SPECC1L: variants seen among roughly 807,000 people sequenced by gnomAD.
SPECC1L encodes cytospin-A.
A neutral mutation model predicts 116.8 loss-of-function variants in SPECC1L; 40 were observed. The observed-to-expected ratio is 0.34, with a 90% confidence interval of 0.27 to 0.45. SPECC1L has a LOEUF of 0.45. Ranked by LOEUF, SPECC1L falls within the 20% of genes least tolerant of loss-of-function variation. The pLI, the probability that SPECC1L is intolerant of heterozygous loss-of-function variation, is 1.00. For missense variants in SPECC1L, 1,110 were observed against 1,373.6 expected (o/e 0.81, Z 3.03); for synonymous variants, 504 against 500.6 (o/e 1.01, Z -0.09).
At chr22:24,284,912 G>T (rs986725373) in intron 2 of SPECC1L, among the ~76,000 whole-genome samples, 1 of 152,166 alleles carries the variant, frequency 6.6e-6, no homozygotes, top group African/African-American at 2.4e-5. Context: ...AGAGGGAGTG[G>T]ATGAGAAGAG....
intron 6 of SPECC1L, 113 bp downstream of exon 6, chr22:24,324,540 C>A: frequency 1.0e-6 from 1 of 999,370 alleles, no homozygotes; most frequent in Non-Finnish European, 1.5e-6. Flanking sequence ...CCTGTAATTC[C>A]AGCACTTTGG....
At chr22:24,350,861 C>T (rs1045716711) in intron 11 of SPECC1L, among the ~76,000 whole-genome samples, 1 of 152,192 alleles carries the variant, frequency 6.6e-6, no homozygotes, top group Non-Finnish European at 1.5e-5. Context: ...TACCCTAAAG[C>T]TGTGAGTCCA....
chr22:24,277,325 CCATGTATT>C (rs1389951641), intron 2 of SPECC1L, among the ~76,000 whole-genome samples: 10 of 152,186 alleles, frequency 6.6e-5, no homozygotes, highest in Non-Finnish European at 1.5e-4. Flanking sequence ...TCCTCATTAT[CCATGTATT>C]CATTTGCAAA....
intron 11 of SPECC1L, among the ~76,000 whole-genome samples, 197 bp downstream of exon 11, chr22:24,347,373 A>G (rs2146564664): frequency 6.6e-6 from 1 of 152,310 alleles, no homozygotes; most frequent in South Asian, 2.1e-4. Context: ...ATCTTTCCTG[A>G]CAGCTGTCAT....
chr22:24,393,193 A>G (rs1241900126), intron 14 of SPECC1L, among the ~76,000 whole-genome samples: 2 of 152,216 alleles, frequency 1.3e-5, no homozygotes, highest in African/African-American at 4.8e-5. Flanking sequence ...ATTTTTGGAA[A>G]ATTTAATCTG....
At chr22:24,281,767 T>C (rs1260962723) in intron 2 of SPECC1L, among the ~76,000 whole-genome samples, 1 of 152,224 alleles carries the variant, frequency 6.6e-6, no homozygotes, top group Non-Finnish European at 1.5e-5. Context: ...TCTGAATGCC[T>C]TTTATTTGTT....
rs141191792 is a variant in SPECC1L, at chr22:24,373,036, G to C, written c.3087+3716G>C. 9.1e-3 allele frequency among the ~76,000 whole-genome samples: 1,389 copies of C among 152,252 alleles called. 12 individuals carry two copies. The highest frequency in any genetic ancestry group is 0.012 in the Non-Finnish European group (797 of 68,024). Reference sequence around the variant, plus strand: ...AACTCCCATTCACAATTGCTTCAAAGAGAATAAAATACCTAGGAATGCAAC... The same window carrying C: ...AACTCCCATTCACAATTGCTTCAAACAGAATAAAATACCTAGGAATGCAAC... On this transcript the variant is annotated intron_variant, in intron 14 of 16. Coordinates refer to ENST00000314328, the MANE Select transcript of SPECC1L (RefSeq NM_015330.6).
chr22:24,324,113 A>T, intron 5 of SPECC1L, 107 bp from the exon 6 acceptor site: 1 of 871,930 alleles, frequency 1.1e-6, no homozygotes, highest in Non-Finnish European at 1.9e-6. Flanking sequence ...GTTTATCCAT[A>T]GTGCCTCATA....
intron 3 of SPECC1L, 85 bp from the exon 4 acceptor site, chr22:24,313,228 A>G: frequency 1.4e-6 from 2 of 1,457,026 alleles, no homozygotes; most frequent in South Asian, 1.2e-5. Flanking sequence ...TGAACTTAGT[A>G]TAAAAGTCAT....
Position 24,417,495 on chromosome 22 carries a change from C to A in SPECC1L, c.*2872C>A, listed in dbSNP as rs916952547. ...GGCTGTGGGACAGTGAGCCCTGTAA[C>A]CACTAGGGTTCTGTGACAGATGCCA... On this transcript the variant is annotated 3_prime_UTR_variant, in exon 17 of 17. Transcript: ENST00000314328. The A allele has an allele frequency of 5.3e-5, 8 of 152,276 alleles. No homozygotes were observed. Among genetic ancestry groups the A allele is most frequent in the African/African-American group, 1.9e-4 (8 of 41,428 alleles). 9.4% of individuals were successfully genotyped at this position (152,276 alleles called of 1,614,324 possible).
Position 24,322,234 on chromosome 22 carries a change from G to A in SPECC1L, c.1254G>A (p.Leu418=), listed in dbSNP as rs778019038. 6.2e-7 allele frequency: 1 copy of A among 1,614,192 alleles called. No individual in the cohort carries two copies. ...HSTSEELQAT[L]QELADLQQIT... Reference sequence around the variant, plus strand: ...CAAGTGAGGAACTCCAGGCAACCCTGCAAGAGCTAGCTGATTTACAGCAGA... The same window carrying A: ...CAAGTGAGGAACTCCAGGCAACCCTACAAGAGCTAGCTGATTTACAGCAGA... Residue 418 remains leucine, a synonymous_variant, in exon 5 of 17, where the codon CTG becomes CTA. Transcript: ENST00000314328.
At chr22:24,369,464 G>A in intron 14 of SPECC1L, 144 bp downstream of exon 14, 1 of 708,490 alleles carries the variant, frequency 1.4e-6, no homozygotes, top group Non-Finnish European at 2.6e-6. Flanking sequence ...CACATTGGGA[G>A]GCTGAGGCAG....
At chr22:24,317,264 G>A in intron 4 of SPECC1L, among the ~76,000 whole-genome samples, 1 of 101,820 alleles carries the variant, frequency 9.8e-6, no homozygotes, top group South Asian at 3.1e-4. Context: ...GCGGGGGGCT[G>A]ACCCCCCCCA....
intron 1 of SPECC1L, among the ~76,000 whole-genome samples, chr22:24,273,801 C>G (rs2048777633): frequency 6.6e-6 from 1 of 152,136 alleles, no homozygotes; most frequent in African/African-American, 2.4e-5. Context: ...TCTTGTTGCC[C>G]AGGCTGGAGT....
intron 4 of SPECC1L, 89 bp from the exon 5 acceptor site, chr22:24,321,199 C>T (rs2040715125): frequency 1.2e-5 from 17 of 1,416,660 alleles, no homozygotes; most frequent in Non-Finnish European, 1.4e-5. Context: ...TGGATTTCAT[C>T]TCATTACACC....
intron 2 of SPECC1L, among the ~76,000 whole-genome samples, chr22:24,286,325 ACAT>A (rs200694788): frequency 2.6e-5 from 4 of 152,308 alleles, no homozygotes; most frequent in East Asian, 3.9e-4. Context: ...TTGGGAAGAA[ACAT>A]CATAGTTATT....
At chr22:24,390,549 A>G (rs1468658410) in intron 14 of SPECC1L, among the ~76,000 whole-genome samples, 2 of 152,176 alleles carry the variant, frequency 1.3e-5, no homozygotes, top group African/African-American at 2.4e-5. Context: ...CATGGAAACT[A>G]AGTATACAGA....
At chr22:24,390,585 G>T (rs928607511) in intron 14 of SPECC1L, among the ~76,000 whole-genome samples, 3 of 152,164 alleles carry the variant, frequency 2.0e-5, no homozygotes, top group Non-Finnish European at 2.9e-5. Context: ...GTAAATATCA[G>T]TGTGTTCCAG....
chr22:24,405,649 G>A (rs540018123), intron 14 of SPECC1L, among the ~76,000 whole-genome samples: 2 of 152,158 alleles, frequency 1.3e-5, no homozygotes, highest in Non-Finnish European at 2.9e-5. Flanking sequence ...AGACCAGCCT[G>A]ACCAACATGG....
Sources: gnomAD v4.1 joint callset for allele counts (sites outside exome capture counted in the v4.1 genomes callset) on GRCh38, gnomAD v4.1.1 for gene constraint, MANE v1.5 for transcripts, NCBI Gene and HGNC (gene_info 2026-07-23, HGNC 2026-07-21) for gene names.